The following GALK1 variants were observed in gnomAD, a reference collection of about 807,000 sequenced individuals.
GALK1 encodes galactokinase 1.
Under a neutral mutation model 38.6 loss-of-function variants are expected in GALK1, and 30 were observed. The ratio of observed to expected loss-of-function variants is 0.78; its 90% CI spans 0.58 to 1.05. GALK1 has a LOEUF of 1.05. Among genes scored for constraint, GALK1 ranks in the 50% least tolerant of loss-of-function variants. The pLI is 0.00. For synonymous variants in GALK1, 240 were observed against 233.6 expected, an observed-to-expected ratio of 1.03 and a Z score of -0.25; for missense variants, 512 against 540.5, an observed-to-expected ratio of 0.95 and a Z score of 0.52.
At chr17:75,764,164 G>A (rs917907745) in intron 1 of GALK1, 78 bp from the exon 2 acceptor site, 2 of 1,297,018 alleles carry the variant, frequency 1.5e-6, no homozygotes, top group Admixed American at 1.9e-5. Flanking sequence ...CTCCAGCCGA[G>A]GTTCTGATGC....
At position 75,764,003 on chromosome 17, in the gene GALK1, A is replaced by G; in HGVS notation, c.249T>C (p.Asp83=). Residue 83 remains aspartate (D), a synonymous_variant, in exon 2 of 8, where the codon GAT becomes GAC. Coordinates refer to ENST00000588479, the MANE Select transcript of GALK1 (RefSeq NM_000154.2). ...VSLLTTSEGA[D]EPQRLQFPLP... ...GTGGAAACTGCAGCCGCTGGGGCTC[A>G]TCGGCACCCTCAGAGGTGGTGAGGA... is the stretch of plus-strand genomic sequence containing the variant. The G allele has an allele frequency of 6.2e-7, 1 of 1,611,006 alleles. No individual in the cohort carries two copies.
chr17:75,754,865 C>A, downstream of GALK1: 1 of 1,612,756 alleles, frequency 6.2e-7, no homozygotes, highest in Admixed American at 1.7e-5. Context: ...TTCCTCTCTT[C>A]CAGCTCCTGG....
At chr17:75,759,881 C>T (rs917076966) in intron 5 of GALK1, among the ~76,000 whole-genome samples, 2 of 152,174 alleles carry the variant, frequency 1.3e-5, no homozygotes, top group Non-Finnish European at 1.5e-5. Flanking sequence ...CAGTCAAGAG[C>T]ATGGGCCCTG....
chr17:75,754,531 G>C (rs1164687249), downstream of GALK1: 2 of 1,611,866 alleles, frequency 1.2e-6, no homozygotes, highest in Non-Finnish European at 1.7e-6. Flanking sequence ...ACGGGGCCCG[G>C]GTCTGGGGCA....
chr17:75,751,616 C>A, exon 9 of GALK1: 1 of 228,756 alleles, frequency 4.4e-6, no homozygotes, highest in Non-Finnish European at 8.8e-6. Context: ...TGGCTCATGC[C>A]TGTAGTCCCA....
downstream of GALK1, chr17:75,757,818 AG>A (rs1156285986): frequency 6.0e-6 from 4 of 661,284 alleles, no homozygotes; most frequent in Non-Finnish European, 1.0e-5. Flanking sequence ...TGCTACTGCT[AG>A]GCCCTGCCTT....
Position 75,763,998 on chromosome 17 carries a change from G to A in GALK1, c.254C>T (p.Pro85Leu). The change falls in exon 2 of 8, where the codon CCC becomes CTC. Residue 85 changes from proline to leucine, a missense_variant. Transcript: ENST00000588479. ...LLTTSEGADE[P>L]QRLQFPLPTA... ...GGGCAGTGGAAACTGCAGCCGCTGG[G>A]GCTCATCGGCACCCTCAGAGGTGGT... The A allele has an allele frequency of 6.2e-7, 1 of 1,611,286 alleles. No individual in the cohort carries two copies.
chr17:75,764,916 C>T, intron 1 of GALK1, 56 bp downstream of exon 1: 1 of 1,572,072 alleles, frequency 6.4e-7, no homozygotes, highest in Admixed American at 1.9e-5. Flanking sequence ...GGCCCGCCCT[C>T]CTCGGCGGCC....
At chr17:75,757,125 C>T (rs2143557951), downstream of GALK1, 1 of 1,612,914 alleles carries the variant, frequency 6.2e-7, no homozygotes, top group Non-Finnish European at 8.5e-7. Context: ...CCTGTCCTTT[C>T]CTTCACCCCC....
chr17:75,754,961 CGCATGCACACATGTACACAG>C (rs572490083), downstream of GALK1: 365 of 1,531,548 alleles, frequency 2.4e-4, 1 homozygote, highest in African/African-American at 3.1e-3. Flanking sequence ...CACGTGCACA[CGCATGCACACATGTACACAG>C]ACATGCATGC....
At chr17:75,751,884 G>C in intron 8 of GALK1, 2 of 495,884 alleles carry the variant, frequency 4.0e-6, no homozygotes, top group South Asian at 2.0e-5. Flanking sequence ...GCCTTGTGTG[G>C]AGGCACCGTG....
At chr17:75,764,457 C>T (rs1276906757) in intron 1 of GALK1, 1 of 559,022 alleles carries the variant, frequency 1.8e-6, no homozygotes, top group East Asian at 4.6e-5. Flanking sequence ...GCGGAAAGCG[C>T]CCCCCGCTGA....
downstream of GALK1, chr17:75,755,080 G>C (rs761964471): frequency 6.2e-7 from 1 of 1,601,072 alleles, no homozygotes; most frequent in South Asian, 1.1e-5. Context: ...GGGAACACGG[G>C]AGGAGCAGGC....
downstream of GALK1, chr17:75,756,989 G>A: frequency 6.2e-7 from 1 of 1,612,802 alleles, no homozygotes; most frequent in Non-Finnish European, 8.5e-7. Flanking sequence ...CCGAGAGCCG[G>A]CTGACCGTGC....
downstream of GALK1, chr17:75,754,553 G>A (rs762265802): frequency 1.2e-6 from 2 of 1,613,102 alleles, no homozygotes. Flanking sequence ...GCCTGACCAA[G>A]GGACCCTGCT....
downstream of GALK1, among the ~76,000 whole-genome samples, chr17:75,753,366 G>A (rs1400562627): frequency 6.6e-6 from 1 of 152,150 alleles, no homozygotes; most frequent in Non-Finnish European, 1.5e-5. Flanking sequence ...GGTGGCTTGC[G>A]GAACGGTCCC....
chr17:75,755,877 G>A (rs570105077), downstream of GALK1: 10 of 1,595,264 alleles, frequency 6.3e-6, no homozygotes, highest in South Asian at 2.2e-5. Context: ...GCCAGGCTGC[G>A]GGGTGCAGCC....
chr17:75,761,630 G>GAA (rs76350654), intron 5 of GALK1, among the ~76,000 whole-genome samples: 8 of 61,408 alleles, frequency 1.3e-4, no homozygotes, highest in Admixed American at 2.0e-4. Context: ...AAAAAAAAAA[G>GAA]AAAAAAAAAA....
At chr17:75,756,927 C>T (rs1313275848), downstream of GALK1, 3 of 1,612,202 alleles carry the variant, frequency 1.9e-6, no homozygotes, top group African/African-American at 1.3e-5. Context: ...ACGCTGAAGG[C>T]ATCTTCCCTG....
Sources: gnomAD v4.1 joint callset for allele counts (sites outside exome capture counted in the v4.1 genomes callset) on GRCh38, gnomAD v4.1.1 for gene constraint, MANE v1.5 for transcripts, NCBI Gene and HGNC (gene_info 2026-07-23, HGNC 2026-07-21) for gene names.